WAPL: variants seen among roughly 807,000 people sequenced by gnomAD.
WAPL encodes the protein wings apart-like protein homolog.
A neutral mutation model predicts 121.0 loss-of-function variants in WAPL; 5 were observed. The observed-to-expected ratio is 0.04, with a 90% CI of 0.02 to 0.09. The LOEUF (loss-of-function observed/expected upper bound fraction) is 0.09, where lower values mean the gene tolerates loss of function less well. Ranked by LOEUF, WAPL falls within the 10% of genes least tolerant of loss-of-function variation. WAPL has a pLI of 1.00. For synonymous variants in WAPL, 480 were observed against 481.5 expected (o/e 1.00, Z 0.04); for missense variants, 999 against 1,410.8 (o/e 0.71, Z 4.68).
rs150593975 is a variant in WAPL at position 86,469,390 on chromosome 10, T to C, written c.2142+1602A>G. 4.1e-3 allele frequency among the ~76,000 whole-genome samples: 615 copies of C among 151,656 alleles called. 23 individuals are homozygous for C. The East Asian group carries it at 0.1, about 26-fold the overall frequency. On this transcript the variant is annotated intron_variant, in intron 8 of 18. Coordinates refer to ENST00000298767, the MANE Select transcript of WAPL (RefSeq NM_015045.5). ...GCCTCAGCCTCCTGAGTGGCTGGGA[T>C]TACAGGCAAGCACCACCACGCCCGA...
chr10:86,460,348 C>A, intron 11 of WAPL, 51 bp downstream of exon 11: 1 of 1,443,926 alleles, frequency 6.9e-7, no homozygotes, highest in Non-Finnish European at 9.7e-7. Flanking sequence ...CTTACACACA[C>A]AATCACAATT....
chr10:86,461,340 A>T, intron 9 of WAPL, 53 bp from the exon 10 acceptor site: 1 of 1,436,714 alleles, frequency 7.0e-7, no homozygotes, highest in Non-Finnish European at 9.6e-7. Flanking sequence ...ATAACTCTAG[A>T]AATTGTTTCT....
At chr10:86,498,129 C>T (rs772313560) in intron 3 of WAPL, among the ~76,000 whole-genome samples, 96 of 152,188 alleles carry the variant, frequency 6.3e-4, no homozygotes, top group Non-Finnish European at 1.1e-3. Flanking sequence ...CATTTTACAT[C>T]TTTAAAAGTT....
chr10:86,520,766 T>TAAAAAAAAAAAAAAAAAAAAA (rs10574217), intron 1 of WAPL, among the ~76,000 whole-genome samples: 1 of 98,100 alleles, frequency 1.0e-5, no homozygotes, highest in African/African-American at 3.7e-5. Context: ...CGCTGTGATT[T>TAAAAAAAAAAAAAAAAAAAAA]AAAAAAAAAA....
intron 1 of WAPL, among the ~76,000 whole-genome samples, chr10:86,519,246 A>G (rs1430344102): frequency 6.6e-6 from 1 of 152,218 alleles, no homozygotes; most frequent in Non-Finnish European, 1.5e-5. Context: ...AACATGATCA[A>G]TCAGTAACCG....
At chr10:86,468,539 A>C (rs1841456067) in intron 8 of WAPL, among the ~76,000 whole-genome samples, 1 of 152,208 alleles carries the variant, frequency 6.6e-6, no homozygotes, top group Admixed American at 6.5e-5. Context: ...TCAGTTTAAA[A>C]TCAATAATTT....
At position 86,500,717 on chromosome 10, in the gene WAPL, G is replaced by A. The variant is rs1032566557; in HGVS notation, c.526C>T (p.His176Tyr). 14 of 1,568,578 alleles carry A rather than the reference G, an allele frequency of 8.9e-6. No individual in the cohort carries two copies. Among genetic ancestry groups the A allele is most frequent in the Non-Finnish European group, 1.1e-5 (13 of 1,163,560 alleles). Residue 176 changes from histidine to tyrosine, a missense_variant, in exon 3 of 19, where the codon CAT (histidine) becomes TAT (tyrosine). His to Tyr is a moderately conservative substitution (Grantham distance 83). Transcript: ENST00000298767. ...SDKVENFHEE[H>Y]EKNSHHIHKN... is the part of the protein sequence containing the mutation. ...TGAATATGGTGACTATTCTTTTCAT[G>A]TTCTTCATGAAAATTCTCCACTTTA...
At position 86,500,579 on chromosome 10, in the gene WAPL, G is replaced by A; in HGVS notation, c.664C>T (p.Pro222Ser). Residue 222 changes from proline (P) to serine (S), a missense_variant, in exon 3 of 19, where the codon CCA (proline) becomes TCA (serine). By Grantham distance (74) the Pro-to-Ser change is moderately conservative. Around this residue, in one of 7 missense-constraint regions of WAPL, gnomAD observed 531 missense variants for 563.1 expected, o/e 0.94. Coordinates refer to ENST00000298767, the MANE Select transcript of WAPL (RefSeq NM_015045.5). The part of the protein sequence containing the change: ...NSQFGKRPES[P>S]SEISPIKGSV... ...CCCTTGATTGGAGATATTTCTGATG[G>A]TGATTCTGGCCTTTTCCCAAACTGG... 1 of 1,614,118 alleles carries A rather than the reference G, an allele frequency of 6.2e-7. No homozygotes were observed. The highest frequency in any genetic ancestry group is 8.5e-7 in the Non-Finnish European group (1 of 1,179,988).
chr10:86,499,575 T>C, intron 3 of WAPL, 143 bp downstream of exon 3: 2 of 740,230 alleles, frequency 2.7e-6, no homozygotes, highest in East Asian at 5.7e-5. Flanking sequence ...ATAAATGTTA[T>C]GTGAATGGGA....
At chr10:86,470,908 T>C in intron 8 of WAPL, 84 bp downstream of exon 8, 1 of 1,060,424 alleles carries the variant, frequency 9.4e-7, no homozygotes, top group Non-Finnish European at 1.4e-6. Context: ...ATTTATAGAA[T>C]ATTCAGTGAA....
intron 15 of WAPL, among the ~76,000 whole-genome samples, chr10:86,448,693 C>T (rs1255560251): frequency 2.0e-5 from 3 of 152,178 alleles, no homozygotes. Context: ...TGGCTCACTG[C>T]AGCCTCAACT....
At chr10:86,461,063 A>G in intron 10 of WAPL, 113 bp downstream of exon 10, 1 of 867,448 alleles carries the variant, frequency 1.2e-6, no homozygotes, top group African/African-American at 1.7e-5. Flanking sequence ...AAAAAATAAT[A>G]ATGATAATAG....
chr10:86,453,272 A>T lies in WAPL; in HGVS notation c.2897T>A (p.Leu966His). Residue 966 changes from leucine (L) to histidine (H), a missense_variant, in exon 14 of 19, where the codon CTT becomes CAT. Physicochemically the swap from Leu to His is moderately conservative, Grantham distance 99. Around this residue, in one of 7 missense-constraint regions of WAPL, gnomAD observed 85 missense variants for 133.5 expected, o/e 0.64. Coordinates refer to ENST00000298767, the MANE Select transcript of WAPL (RefSeq NM_015045.5). Reference sequence around the variant, plus strand: ...CTGAGGTAGGTACTTTGGAACCTGAAGCACACAGTTCAGCGCTGTGCCTAT... The same window carrying T: ...CTGAGGTAGGTACTTTGGAACCTGATGCACACAGTTCAGCGCTGTGCCTAT... ...GLIGTALNCV[L>H]QVPKYLPQEQ... 1 of 1,614,174 alleles carries T rather than the reference A, an allele frequency of 6.2e-7. No individual in the cohort carries two copies.
intron 4 of WAPL, among the ~76,000 whole-genome samples, chr10:86,495,429 T>G (rs1842130910): frequency 6.6e-6 from 1 of 151,830 alleles, no homozygotes; most frequent in East Asian, 1.9e-4. Flanking sequence ...ATCACACCAC[T>G]GCATTCCAGC....
At chr10:86,474,507 C>T (rs1432455269) in intron 4 of WAPL, among the ~76,000 whole-genome samples, 1 of 109,980 alleles carries the variant, frequency 9.1e-6, no homozygotes. Context: ...GAGTGAGACT[C>T]CGTCTCAAAA....
At chr10:86,507,192 AC>A (rs1251454324) in intron 2 of WAPL, among the ~76,000 whole-genome samples, 6 of 151,552 alleles carry the variant, frequency 4.0e-5, no homozygotes, top group African/African-American at 1.5e-4. Context: ...ATATAGTGAA[AC>A]CCCGTCTCTA....
At chr10:86,478,475 A>C (rs2132199833) in intron 4 of WAPL, among the ~76,000 whole-genome samples, 1 of 152,302 alleles carries the variant, frequency 6.6e-6, no homozygotes, top group Admixed American at 6.5e-5. Context: ...AATTAATGAG[A>C]AAAATACTTA....
intron 17 of WAPL, among the ~76,000 whole-genome samples, chr10:86,442,364 G>C (rs921661463): frequency 6.6e-6 from 1 of 152,038 alleles, no homozygotes; most frequent in Non-Finnish European, 1.5e-5. Context: ...TCTGACCTTT[G>C]GGATGTACCT....
At chr10:86,459,603 G>T (rs115618049) in intron 11 of WAPL, among the ~76,000 whole-genome samples, 1 of 152,158 alleles carries the variant, frequency 6.6e-6, no homozygotes, top group African/African-American at 2.4e-5. Flanking sequence ...TAAGTCTTTC[G>T]TAAGAGTCAA....
Sources: allele counts gnomAD v4.1 joint callset (sites outside exome capture counted in the v4.1 genomes callset), GRCh38; gene constraint gnomAD v4.1.1; regional missense constraint gnomAD v4.1.1; transcripts MANE v1.5; gene names NCBI Gene and HGNC (gene_info 2026-07-23, HGNC 2026-07-21).